ANKFN1: variants seen among roughly 807,000 people sequenced by gnomAD.
The protein encoded by ANKFN1 is ankyrin repeat and fibronectin type-III domain-containing protein 1.
Under a neutral mutation model 108.7 loss-of-function variants are expected in ANKFN1, and 74 were observed. The observed-to-expected ratio is 0.68, with a 90% CI of 0.56 to 0.83. ANKFN1 has a LOEUF of 0.83. Ranked by LOEUF, ANKFN1 falls within the 40% of genes least tolerant of loss-of-function variation. The pLI is 0.00. For missense variants in ANKFN1, 1,505 were observed against 1,382.3 expected, an observed-to-expected ratio of 1.09 and a Z score of -1.41; for synonymous variants, 547 against 516.2, an observed-to-expected ratio of 1.06 and a Z score of -0.81.
At position 56,510,865 on chromosome 17, in the gene ANKFN1, C is replaced by A. The variant is rs899672787; in HGVS notation, c.3037C>A (p.Arg1013Ser). The A allele has an allele frequency of 6.5e-7, 1 of 1,536,100 alleles. No homozygotes were observed. The highest frequency in any genetic ancestry group is 1.2e-5 in the South Asian group (1 of 84,064). The part of the protein sequence containing the change: ...GKHPHYGGFS[R>S]HHRWLRIHSE... ...GCACCCCCACTATGGCGGCTTCAGCCGCCATCATCGCTGGTTGCGCATCCA... is the reference window on the plus strand; with the variant it reads ...GCACCCCCACTATGGCGGCTTCAGCAGCCATCATCGCTGGTTGCGCATCCA... The change falls in exon 21 of 21, where the codon CGC becomes AGC. Residue 1013 changes from arginine (R) to serine (S), a missense_variant. Physicochemically the swap from Arg to Ser is moderately radical, Grantham distance 110. Transcript: ENST00000682825.
rs529821749 is a variant in ANKFN1, at chr17:56,183,520, T to G, written c.-70-29078T>G. On this transcript the variant is annotated intron_variant, in intron 1 of 20. Transcript: ENST00000682825. ...AATGAGTGAGTTCTCTCAAAGTTAG[T>G]TCACATGAGATCTGGTTGGTTAACA... Among the ~76,000 whole-genome samples the G allele has an allele frequency of 2.6e-5, 4 of 152,256 alleles. No homozygotes were observed. The East Asian group carries it at 7.7e-4, about 29-fold the overall frequency.
rs775455160 is a variant in ANKFN1 at position 56,482,412 on chromosome 17, C to G, written c.2148C>G (p.Ser716=). ...QEVLEMGHNV[S]FLLLLPASDD... is the part of the protein sequence containing the mutation. Reference sequence around the variant, plus strand: ...TGTTGGAAATGGGTCACAATGTGTCCTTTCTTCTCCTGCTCCCTGCCTCAG... The same window carrying G: ...TGTTGGAAATGGGTCACAATGTGTCGTTTCTTCTCCTGCTCCCTGCCTCAG... Residue 716 remains serine (S), a synonymous_variant, in exon 18 of 21, where the codon TCC becomes TCG. Transcript: ENST00000682825. 2.2e-5 allele frequency: 36 copies of G among 1,613,354 alleles called. No individual in the cohort carries two copies. Among genetic ancestry groups the G allele is most frequent in the Non-Finnish European group, 3.1e-5 (36 of 1,179,676 alleles).
intron 8 of ANKFN1, among the ~76,000 whole-genome samples, chr17:56,404,485 G>A (rs531865003): frequency 6.6e-6 from 1 of 152,238 alleles, no homozygotes; most frequent in Non-Finnish European, 1.5e-5. Flanking sequence ...ATTTCTAAAA[G>A]TGTGTCCAAA....
intron 8 of ANKFN1, among the ~76,000 whole-genome samples, chr17:56,426,273 C>T (rs886704556): frequency 3.9e-5 from 6 of 152,214 alleles, no homozygotes; most frequent in Non-Finnish European, 1.5e-5. Context: ...CAACCACATT[C>T]TCCTCCCCAC....
chr17:56,182,450 C>T (rs1911778335), intron 1 of ANKFN1, among the ~76,000 whole-genome samples: 1 of 152,148 alleles, frequency 6.6e-6, no homozygotes, highest in Non-Finnish European at 1.5e-5. Flanking sequence ...GAAAATCAAA[C>T]CAGACACAAC....
chr17:56,324,373 C>T (rs1238328379), intron 3 of ANKFN1, among the ~76,000 whole-genome samples: 2 of 152,110 alleles, frequency 1.3e-5, no homozygotes. Flanking sequence ...ATTTCCTTTG[C>T]AATAAACATG....
intron 8 of ANKFN1, among the ~76,000 whole-genome samples, chr17:56,403,635 G>A (rs1321211707): frequency 2.0e-5 from 3 of 152,080 alleles, no homozygotes; most frequent in Non-Finnish European, 2.9e-5. Context: ...GAGCATTTAG[G>A]CCATTTACAT....
At chr17:56,313,604 A>C (rs2045108789) in intron 3 of ANKFN1, among the ~76,000 whole-genome samples, 1 of 152,158 alleles carries the variant, frequency 6.6e-6, no homozygotes, top group African/African-American at 2.4e-5. Context: ...TCTTGCACTC[A>C]GCTTACAAAT....
chr17:56,241,859 G>T (rs1362281333), intron 3 of ANKFN1, among the ~76,000 whole-genome samples: 1 of 152,018 alleles, frequency 6.6e-6, no homozygotes, highest in Non-Finnish European at 1.5e-5. Flanking sequence ...CTCAGACAAT[G>T]AATTTCATAA....
intron 8 of ANKFN1, among the ~76,000 whole-genome samples, chr17:56,417,429 C>A (rs2048274238): frequency 6.6e-6 from 1 of 152,182 alleles, no homozygotes. Context: ...TTCACTGATG[C>A]CTTGTCCCTG....
At chr17:56,239,051 G>A (rs1464817733) in intron 3 of ANKFN1, among the ~76,000 whole-genome samples, 1 of 152,012 alleles carries the variant, frequency 6.6e-6, no homozygotes, top group Non-Finnish European at 1.5e-5. Context: ...CCATGAAAAT[G>A]TTTTCATCTT....
intron 3 of ANKFN1, among the ~76,000 whole-genome samples, chr17:56,263,922 A>T (rs1049552793): frequency 5.3e-5 from 8 of 152,210 alleles, no homozygotes. Flanking sequence ...TAACAATGGA[A>T]GTCTGACCTC....
At chr17:56,152,256 A>G (rs867129077), upstream of ANKFN1, among the ~76,000 whole-genome samples, 1,031 of 79,078 alleles carry the variant, frequency 0.013, 7 homozygotes, top group African/African-American at 0.038. Flanking sequence ...ATATATATAT[A>G]TATATATGTG....
At chr17:56,353,665 G>T (rs1387737125) in intron 5 of ANKFN1, among the ~76,000 whole-genome samples, 171 bp from the exon 6 acceptor site, 1 of 152,172 alleles carries the variant, frequency 6.6e-6, no homozygotes, top group African/African-American at 2.4e-5. Flanking sequence ...AGAAATGACG[G>T]AGGGGAAGCC....
chr17:56,323,882 T>C (rs760856393), intron 3 of ANKFN1, among the ~76,000 whole-genome samples: 1 of 152,030 alleles, frequency 6.6e-6, no homozygotes, highest in East Asian at 1.9e-4. Flanking sequence ...AACAATGAAG[T>C]GCAATAAAAT....
intron 6 of ANKFN1, chr17:56,368,064 C>A: frequency 1.5e-6 from 1 of 661,850 alleles, no homozygotes; most frequent in South Asian, 3.6e-5. Flanking sequence ...CCCCATTCTG[C>A]CATCAGATCC....
intron 1 of ANKFN1, among the ~76,000 whole-genome samples, chr17:56,155,768 G>A (rs1173428519): frequency 6.6e-6 from 1 of 152,138 alleles, no homozygotes; most frequent in African/African-American, 2.4e-5. Context: ...GATCACAGGG[G>A]CCTTGTAGGT....
chr17:56,455,788 A>G (rs980080848), intron 11 of ANKFN1, among the ~76,000 whole-genome samples: 5 of 152,348 alleles, frequency 3.3e-5, no homozygotes, highest in African/African-American at 1.2e-4. Context: ...TTATTTGCTT[A>G]CCATTGTACC....
chr17:56,137,942 G>A (rs1475003083), intron 4 of ANKFN1, among the ~76,000 whole-genome samples: 1 of 152,098 alleles, frequency 6.6e-6, no homozygotes, highest in Non-Finnish European at 1.5e-5. Context: ...CAAAGAGAGG[G>A]AAAAAATAGA....
Sources: allele counts gnomAD v4.1 joint callset (sites outside exome capture counted in the v4.1 genomes callset), GRCh38; gene constraint gnomAD v4.1.1; transcripts MANE v1.5; gene names NCBI Gene and HGNC (gene_info 2026-07-23, HGNC 2026-07-21).